Variants in CDK14 observed in about 807,000 individuals in gnomAD.
The protein encoded by CDK14 is cyclin-dependent kinase 14.
A neutral mutation model predicts 60.7 loss-of-function variants in CDK14; 34 were observed. That is an observed-to-expected ratio of 0.56 (90% CI 0.43 to 0.75). CDK14 has a LOEUF of 0.75. Among genes scored for constraint, CDK14 ranks in the 30% least tolerant of loss-of-function variants. The pLI is 0.00. For missense variants in CDK14, 482 were observed against 564.1 expected, an observed-to-expected ratio of 0.85 and a Z score of 1.47; for synonymous variants, 197 against 203.7, an observed-to-expected ratio of 0.97 and a Z score of 0.28.
intron 2 of CDK14, among the ~76,000 whole-genome samples, chr7:90,688,122 G>T (rs1801477469): frequency 6.6e-6 from 1 of 152,164 alleles, no homozygotes; most frequent in South Asian, 2.1e-4. Context: ...AAGTATTAGG[G>T]GGGAAGTTCA....
intron 4 of CDK14, among the ~76,000 whole-genome samples, chr7:90,787,542 T>G (rs916908624): frequency 2.0e-5 from 3 of 152,172 alleles, no homozygotes; most frequent in Admixed American, 2.0e-4. Flanking sequence ...GCAGGTATGA[T>G]GAGGAAAATG....
At chr7:90,823,576 C>G (rs559702321) in intron 5 of CDK14, among the ~76,000 whole-genome samples, 2 of 152,110 alleles carry the variant, frequency 1.3e-5, no homozygotes, top group Non-Finnish European at 2.9e-5. Flanking sequence ...CGGAAAGGTG[C>G]AGGAACAGAA....
At chr7:91,123,211 C>T (rs915566163) in intron 14 of CDK14, among the ~76,000 whole-genome samples, 4 of 152,140 alleles carry the variant, frequency 2.6e-5, no homozygotes, top group African/African-American at 9.7e-5. Context: ...TCCATCAGCA[C>T]TTTTCAATAT....
chr7:90,698,067 C>CAAAAAAAAAAAAAA (rs71104484), intron 2 of CDK14, among the ~76,000 whole-genome samples: 14 of 75,664 alleles, frequency 1.9e-4, no homozygotes, highest in East Asian at 4.8e-4. Context: ...GACTCTGTCT[C>CAAAAAAAAAAAAAA]AAAAAAAAAA....
At chr7:90,835,247 G>A (rs1219739010) in intron 5 of CDK14, among the ~76,000 whole-genome samples, 1 of 152,132 alleles carries the variant, frequency 6.6e-6, no homozygotes, top group East Asian at 1.9e-4. Flanking sequence ...GTAAGGATTG[G>A]GATCTTAAGA....
At chr7:90,651,834 C>T (rs771372914) in intron 2 of CDK14, among the ~76,000 whole-genome samples, 9 of 152,038 alleles carry the variant, frequency 5.9e-5, no homozygotes, top group East Asian at 5.8e-4. Context: ...TTCCTTAGTC[C>T]GCAGTGGTCC....
chr7:90,836,742 CAGT>C (rs1489374624), intron 5 of CDK14, among the ~76,000 whole-genome samples: 1 of 152,162 alleles, frequency 6.6e-6, no homozygotes, highest in Non-Finnish European at 1.5e-5. Context: ...ACTGCCAATG[CAGT>C]AGGTTTGTTT....
intron 2 of CDK14, among the ~76,000 whole-genome samples, chr7:90,617,994 T>TGGGC (rs1799688877): frequency 6.6e-6 from 1 of 152,028 alleles, no homozygotes; most frequent in Non-Finnish European, 1.5e-5. Context: ...TTTCAATGGG[T>TGGGC]GTAAATTGCC....
intron 14 of CDK14, among the ~76,000 whole-genome samples, chr7:91,198,451 A>T (rs1404438226): frequency 2.0e-5 from 3 of 152,220 alleles, no homozygotes; most frequent in African/African-American, 7.2e-5. Context: ...TTGTACAATA[A>T]ACAGTTAATT....
At chr7:91,206,469 T>A (rs946375876) in intron 14 of CDK14, among the ~76,000 whole-genome samples, 2 of 152,212 alleles carry the variant, frequency 1.3e-5, no homozygotes, top group African/African-American at 4.8e-5. Context: ...GGCAAGGCAT[T>A]CTTTTCCCAT....
At chr7:90,680,701 T>C (rs951454096) in intron 2 of CDK14, among the ~76,000 whole-genome samples, 2 of 152,242 alleles carry the variant, frequency 1.3e-5, no homozygotes, top group Non-Finnish European at 2.9e-5. Context: ...TCAGATCAGC[T>C]GCGGGAGTGT....
chr7:90,919,511 AATGTAC>A (rs1257766283), intron 8 of CDK14, among the ~76,000 whole-genome samples: 21 of 152,328 alleles, frequency 1.4e-4, no homozygotes, highest in African/African-American at 4.8e-4. Context: ...AAAATTAGAA[AATGTAC>A]AAAGTATAAA....
chr7:90,599,417 G>A (rs999039735), intron 1 of CDK14, among the ~76,000 whole-genome samples: 3 of 152,178 alleles, frequency 2.0e-5, no homozygotes, highest in East Asian at 1.9e-4. Context: ...CTGGGTTTTC[G>A]CTGCTTGCTC....
At chr7:90,788,855 A>AT (rs933729926) in intron 4 of CDK14, among the ~76,000 whole-genome samples, 1 of 152,182 alleles carries the variant, frequency 6.6e-6, no homozygotes, top group African/African-American at 2.4e-5. Context: ...AGCCATTTAA[A>AT]TTGCAACAAG....
At chr7:91,110,062 A>T (rs1320007938) in intron 12 of CDK14, among the ~76,000 whole-genome samples, 1 of 152,132 alleles carries the variant, frequency 6.6e-6, no homozygotes, top group Non-Finnish European at 1.5e-5. Context: ...ATGTACACGT[A>T]TGACTTCAGA....
chr7:91,184,788 A>G (rs982994047), intron 14 of CDK14, among the ~76,000 whole-genome samples: 1 of 152,006 alleles, frequency 6.6e-6, no homozygotes, highest in Non-Finnish European at 1.5e-5. Flanking sequence ...GTTCTGATGG[A>G]GCAGGAAAGT....
chr7:90,985,107 G>A (rs927533802), intron 10 of CDK14, among the ~76,000 whole-genome samples: 1 of 152,182 alleles, frequency 6.6e-6, no homozygotes, highest in Non-Finnish European at 1.5e-5. Flanking sequence ...GAAACTGGGC[G>A]AGTGGTATAC....
intron 6 of CDK14, among the ~76,000 whole-genome samples, chr7:90,896,237 A>AT (rs1792334053): frequency 6.6e-6 from 1 of 151,894 alleles, no homozygotes; most frequent in South Asian, 2.1e-4. Context: ...ATTATCATTC[A>AT]TTTTTTACTG....
chr7:90,682,369 AAAT>A (rs1801334593), intron 2 of CDK14, among the ~76,000 whole-genome samples: 1 of 152,218 alleles, frequency 6.6e-6, no homozygotes, highest in Admixed American at 6.5e-5. Context: ...GAGAATACTA[AAAT>A]ATCCTTTACC....
Sources: allele counts gnomAD v4.1 joint callset (sites outside exome capture counted in the v4.1 genomes callset), GRCh38; gene constraint gnomAD v4.1.1; transcripts MANE v1.5; gene names NCBI Gene and HGNC (gene_info 2026-07-23, HGNC 2026-07-21).